DERA: variants seen among roughly 807,000 people sequenced by gnomAD.
DERA encodes the protein 2-deoxy-D-ribose 5-phosphate aldolase.
In DERA, 15 loss-of-function variants were observed where a neutral mutation model predicts 41.1. That is an observed-to-expected ratio of 0.37 (90% CI 0.24 to 0.56). The LOEUF is 0.56. Among genes scored for constraint, DERA ranks in the 20% least tolerant of loss-of-function variants. The pLI, the probability that DERA is intolerant of heterozygous loss-of-function variation, is 0.81. For synonymous variants in DERA, 139 were observed against 137.4 expected, an observed-to-expected ratio of 1.01 and a Z score of -0.08; for missense variants, 396 against 403.4, an observed-to-expected ratio of 0.98 and a Z score of 0.16.
Position 15,993,758 on chromosome 12 carries a change from A to G in DERA, c.637+11322A>G, listed in dbSNP as rs1459897821. Among the ~76,000 whole-genome samples the G allele has an allele frequency of 6.6e-6, 1 of 152,096 alleles. No homozygotes were observed. Among genetic ancestry groups the G allele is most frequent in the East Asian group, 1.9e-4 (1 of 5,180 alleles). ...CAGGTCCCCAAGCAAAAATTTTATAAAGTTTACCCCCACCTGGCCCCTCGC... is the reference window on the plus strand; with the variant it reads ...CAGGTCCCCAAGCAAAAATTTTATAGAGTTTACCCCCACCTGGCCCCTCGC... On this transcript the variant is annotated intron_variant, in intron 6 of 8. Coordinates refer to ENST00000428559, the MANE Select transcript of DERA (RefSeq NM_015954.4). This position sits in a 1 kb window ranked among gnomAD's most constrained non-coding sequence, Gnocchi z 4.4.
rs1045947860 is a variant in DERA, at chr12:15,911,849, G to T, written c.31+435G>T. On this transcript the variant is annotated intron_variant, in intron 1 of 8. Coordinates refer to ENST00000428559, the MANE Select transcript of DERA (RefSeq NM_015954.4). The surrounding 1 kb of genome is among the most constrained non-coding windows in gnomAD (Gnocchi z 4.5). The stretch of plus-strand genomic sequence containing the variant: ...CGTAGATAATTTTAACCGTAACCTT[G>T]AAGTGGCCGTGCTCGTGGAAAAGTT... 5.1e-5 allele frequency: 23 copies of T among 450,632 alleles called. No homozygotes were observed. The highest frequency in any genetic ancestry group is 3.3e-4 in the Middle Eastern group (1 of 3,066). The allele number at this position is 450,632 out of a possible 1,614,324, so 27.9% of individuals were successfully genotyped here. A position where few individuals can be genotyped will look rare whatever the true frequency, so the allele number is the denominator to read the frequency against.
At chr12:16,022,144 C>G (rs1182842158) in intron 6 of DERA, among the ~76,000 whole-genome samples, 2 of 152,200 alleles carry the variant, frequency 1.3e-5, no homozygotes, top group Non-Finnish European at 2.9e-5. Context: ...GTGTTTGGAT[C>G]ATGGTAGTAG....
chr12:15,980,725 T>G (rs1948727126), intron 5 of DERA, among the ~76,000 whole-genome samples: 1 of 152,196 alleles, frequency 6.6e-6, no homozygotes, highest in South Asian at 2.1e-4. Flanking sequence ...GAAAATAGTC[T>G]GTTCTTTATT....
At position 15,985,358 on chromosome 12, in the gene DERA, A is replaced by C. The variant is rs994931948; in HGVS notation, c.637+2922A>C. On this transcript the variant is annotated intron_variant, in intron 6 of 8. Transcript: ENST00000428559. This position sits in a 1 kb window ranked among gnomAD's most constrained non-coding sequence, Gnocchi z 4.2. ...CTGTGTAAGTATACTGAGTTGCTAA[A>C]ATTGTTGGCATAATGTTGTTTATAA... The C allele has an allele frequency of 1.3e-5, 2 of 152,154 alleles. No homozygotes were observed. Among genetic ancestry groups the C allele is most frequent in the African/African-American group, 2.4e-5 (1 of 41,448 alleles). The allele number at this position is 152,154 out of a possible 1,614,324, so 9.4% of individuals were successfully genotyped here. A position where few individuals can be genotyped will look rare whatever the true frequency, so the allele number is the denominator to read the frequency against.
At chr12:15,916,069 A>G (rs149118145) in intron 1 of DERA, 2 of 152,352 alleles carry the variant, frequency 1.3e-5, no homozygotes, top group East Asian at 3.9e-4. Context: ...TGTTTAAAAC[A>G]TAAAGGTTAC....
rs188221497 is a variant in DERA, at chr12:15,993,743, A to G, written c.637+11307A>G. 6.6e-6 allele frequency among the ~76,000 whole-genome samples: 1 copy of G among 152,154 alleles called. No homozygotes were observed. The highest frequency in any genetic ancestry group is 1.5e-5 in the Non-Finnish European group (1 of 68,022). On this transcript the variant is annotated intron_variant, in intron 6 of 8. Transcript: ENST00000428559. The surrounding 1 kb of genome is among the most constrained non-coding windows in gnomAD (Gnocchi z 4.4). The stretch of plus-strand genomic sequence containing the variant: ...GAATAGATTTAAATTCAGGTCCCCA[A>G]GCAAAAATTTTATAAAGTTTACCCC...
chr12:15,989,471 A>G lies in DERA; in HGVS notation c.637+7035A>G, dbSNP rs1028744109. ...CTGGTTGAGATCATATTTTCCTTTA[A>G]GTACTTGAGTATATTTGTAATAGCT... On this transcript the variant is annotated intron_variant, in intron 6 of 8. Transcript: ENST00000428559. The surrounding 1 kb of genome is among the most constrained non-coding windows in gnomAD (Gnocchi z 5.2). 6.6e-6 allele frequency among the ~76,000 whole-genome samples: 1 copy of G among 152,126 alleles called. No homozygotes were observed. Among genetic ancestry groups the G allele is most frequent in the African/African-American group, 2.4e-5 (1 of 41,422 alleles).
chr12:16,005,312 A>G (rs1202575636), intron 6 of DERA, among the ~76,000 whole-genome samples: 1 of 152,060 alleles, frequency 6.6e-6, no homozygotes, highest in Non-Finnish European at 1.5e-5. Flanking sequence ...AGGGCACGGT[A>G]AGGCGCACCT....
At chr12:15,961,431 T>A (rs1439741754) in intron 4 of DERA, among the ~76,000 whole-genome samples, 1 of 152,090 alleles carries the variant, frequency 6.6e-6, no homozygotes, top group Middle Eastern at 3.2e-3. Flanking sequence ...TCCCAACACT[T>A]TGGGGGGGCT....
chr12:16,026,718 T>C lies in DERA; in HGVS notation c.638-5824T>C, dbSNP rs547736334. On this transcript the variant is annotated intron_variant, in intron 6 of 8. Transcript: ENST00000428559. The surrounding 1 kb of genome is among the most constrained non-coding windows in gnomAD (Gnocchi z 4.4). Reference sequence around the variant, plus strand: ...CACCAGCTCTAGATGGCTTCATTGGTGAATTCTGCCAAACATTTAAGGAAG... The same window carrying C: ...CACCAGCTCTAGATGGCTTCATTGGCGAATTCTGCCAAACATTTAAGGAAG... Among the ~76,000 whole-genome samples the C allele has an allele frequency of 2.0e-5, 3 of 152,048 alleles. No individual in the cohort carries two copies. In the South Asian group the frequency reaches 6.2e-4, roughly 32 times the overall value.
At position 15,918,406 on chromosome 12, in the gene DERA, C is replaced by T. The variant is rs1429515118; in HGVS notation, c.31+6992C>T. 6.6e-6 allele frequency among the ~76,000 whole-genome samples: 1 copy of T among 152,168 alleles called. No individual in the cohort carries two copies. Among genetic ancestry groups the T allele is most frequent in the Non-Finnish European group, 1.5e-5 (1 of 68,032 alleles). ...CTTGTTCTGATTGGACTCTGGGCTA[C>T]CCCATTCTGTTTGGCCCACTCTGGG... On this transcript the variant is annotated intron_variant, in intron 1 of 8. Coordinates refer to ENST00000428559, the MANE Select transcript of DERA (RefSeq NM_015954.4). This position sits in a 1 kb window ranked among gnomAD's most constrained non-coding sequence, Gnocchi z 4.3.
chr12:16,027,839 A>G (rs1949063189), intron 6 of DERA, among the ~76,000 whole-genome samples: 2 of 152,194 alleles, frequency 1.3e-5, no homozygotes, highest in African/African-American at 2.4e-5. Flanking sequence ...CCCCAAATCA[A>G]CAAACTCCTG....
chr12:15,944,430 G>A (rs1208182592), intron 1 of DERA, among the ~76,000 whole-genome samples: 3 of 152,180 alleles, frequency 2.0e-5, no homozygotes, highest in Admixed American at 6.5e-5. Flanking sequence ...TCTAACTGGT[G>A]TGAGATGGTA....
chr12:15,921,909 A>G lies in DERA; in HGVS notation c.31+10495A>G, dbSNP rs1390516685. ...CCATTGCACTCCAGCCTGGGTGACG[A>G]GCAAAACTCCATCTCAGATAATAAT... On this transcript the variant is annotated intron_variant, in intron 1 of 8. Coordinates refer to ENST00000428559, the MANE Select transcript of DERA (RefSeq NM_015954.4). This position sits in a 1 kb window ranked among gnomAD's most constrained non-coding sequence, Gnocchi z 5.3. 6.9e-6 allele frequency among the ~76,000 whole-genome samples: 1 copy of G among 144,002 alleles called. No homozygotes were observed. The highest frequency in any genetic ancestry group is 1.5e-5 in the Non-Finnish European group (1 of 65,958). 94.5% of individuals were successfully genotyped at this position (144,002 alleles called of 152,430 possible).
At position 15,981,925 on chromosome 12, in the gene DERA, AT is replaced by A. The variant is rs1381422301; in HGVS notation, c.509-374del. ...ATGGAAGAATTAATAAGAACCTAAGATTTTTTTTTATTACTTTGCAAAGGGG... is the reference window on the plus strand; with the variant it reads ...ATGGAAGAATTAATAAGAACCTAAGATTTTTTTTATTACTTTGCAAAGGGG... On this transcript the variant is annotated intron_variant, in intron 5 of 8. Coordinates refer to ENST00000428559, the MANE Select transcript of DERA (RefSeq NM_015954.4). The surrounding 1 kb of genome is among the most constrained non-coding windows in gnomAD (Gnocchi z 6.1). Among the ~76,000 whole-genome samples, 3 of 151,790 alleles carry A rather than the reference AT, an allele frequency of 2.0e-5. No individual in the cohort carries two copies. The highest frequency in any genetic ancestry group is 6.6e-5 in the Admixed American group (1 of 15,242).
chr12:16,020,132 T>G lies in DERA; in HGVS notation c.638-12410T>G, dbSNP rs1036434389. Among the ~76,000 whole-genome samples the G allele has an allele frequency of 6.6e-6, 1 of 152,178 alleles. No individual in the cohort carries two copies. The highest frequency in any genetic ancestry group is 6.5e-5 in the Admixed American group (1 of 15,270). ...CACACTTACTGTACAGTCTGCAGAA[T>G]TGTGAGCCAATTAAACCTCTTTTCT... On this transcript the variant is annotated intron_variant, in intron 6 of 8. Transcript: ENST00000428559. The surrounding 1 kb of genome is among the most constrained non-coding windows in gnomAD (Gnocchi z 5.5).
chr12:15,983,659 C>T lies in DERA; in HGVS notation c.637+1223C>T, dbSNP rs1485576933. On this transcript the variant is annotated intron_variant, in intron 6 of 8. Transcript: ENST00000428559. The surrounding 1 kb of genome is among the most constrained non-coding windows in gnomAD (Gnocchi z 6.2). ...AATTTCTAGGTGTCCTTCTAGGGGC[C>T]CTATATTTGGATGAAGATACCTGGT... 6.6e-6 allele frequency among the ~76,000 whole-genome samples: 1 copy of T among 152,044 alleles called. No individual in the cohort carries two copies. Among genetic ancestry groups the T allele is most frequent in the Non-Finnish European group, 1.5e-5 (1 of 68,018 alleles).
At chr12:15,926,730 C>T (rs554508745) in intron 1 of DERA, among the ~76,000 whole-genome samples, 1 of 140,584 alleles carries the variant, frequency 7.1e-6, no homozygotes, top group African/African-American at 2.6e-5. Context: ...GAGCGAGACT[C>T]CGTCTCAAAA....
chr12:15,969,338 A>T (rs1194018888), intron 5 of DERA, among the ~76,000 whole-genome samples: 1 of 152,202 alleles, frequency 6.6e-6, no homozygotes, highest in Non-Finnish European at 1.5e-5. Context: ...GGGAAATGCT[A>T]TCAGATTGCA....
Sources: gnomAD v4.1 joint callset for allele counts (sites outside exome capture counted in the v4.1 genomes callset) on GRCh38, gnomAD v4.1.1 for gene constraint, Gnocchi (gnomAD v3.1) non-coding constraint, MANE v1.5 for transcripts, NCBI Gene and HGNC (gene_info 2026-07-23, HGNC 2026-07-21) for gene names.